Variants in MCM9 observed in about 807,000 individuals in gnomAD.
The protein encoded by MCM9 is minichromosome maintenance 9 homologous recombination repair factor.
MCM9 carries 55 observed loss-of-function variants against 72.8 expected under a neutral mutation model. The ratio of observed to expected loss-of-function variants is 0.76; its 90% confidence interval spans 0.61 to 0.95. The LOEUF (loss-of-function observed/expected upper bound fraction) is 0.95, where lower values mean the gene tolerates loss of function less well. Among genes scored for constraint, MCM9 ranks in the 40% least tolerant of loss-of-function variants. MCM9 has a pLI of 0.00. For missense variants in MCM9, 1,279 were observed against 1,377.0 expected (o/e 0.93, Z 1.13); for synonymous variants, 480 against 503.4 (o/e 0.95, Z 0.62).
At chr6:118,899,621 G>A (rs927570111) in intron 8 of MCM9, among the ~76,000 whole-genome samples, 2 of 152,170 alleles carry the variant, frequency 1.3e-5, no homozygotes, top group Admixed American at 6.5e-5. Flanking sequence ...TAGGTCCTCA[G>A]AAAATGATTG....
chr6:118,860,856 T>A (rs774526276), intron 8 of MCM9, among the ~76,000 whole-genome samples: 2 of 152,214 alleles, frequency 1.3e-5, no homozygotes, highest in Non-Finnish European at 2.9e-5. Context: ...TTGTGCACTT[T>A]ATTTCTATTA....
intron 9 of MCM9, among the ~76,000 whole-genome samples, chr6:118,844,141 T>C (rs1277870842): frequency 1.3e-5 from 2 of 151,888 alleles, no homozygotes; most frequent in Admixed American, 1.3e-4. Context: ...CTGCTATTAA[T>C]TAACTTCACG....
At chr6:118,907,622 C>T (rs1047376154) in intron 8 of MCM9, 14 of 1,604,946 alleles carry the variant, frequency 8.7e-6, no homozygotes, top group Non-Finnish European at 1.2e-5. Flanking sequence ...TGACCACCTA[C>T]CATCCCTTTA....
chr6:118,815,983 G>C lies in MCM9; in HGVS notation c.2273C>G (p.Thr758Ser), dbSNP rs1416311790. 6.4e-7 allele frequency: 1 copy of C among 1,550,528 alleles called. No homozygotes were observed. Among genetic ancestry groups the C allele is most frequent in the South Asian group, 1.2e-5 (1 of 84,068 alleles). ...MATHQSEPKN[T>S]VVVSPHPKTS... ...TTTGGGATGAGGAGACACAACAACAGTGTTTTTAGGTTCACTCTGATGAGT... is the reference window on the plus strand; with the variant it reads ...TTTGGGATGAGGAGACACAACAACACTGTTTTTAGGTTCACTCTGATGAGT... Residue 758 changes from threonine (T) to serine (S), a missense_variant, in exon 14 of 14, where the codon ACT becomes AGT. Thr to Ser is a moderately conservative substitution (Grantham distance 58, BLOSUM62 1). Transcript: ENST00000619706.
chr6:118,886,660 T>C lies in MCM9; in HGVS notation c.1150+24990A>G, dbSNP rs571928066. On this transcript the variant is annotated intron_variant, in intron 8 of 13. Coordinates refer to ENST00000619706, the MANE Select transcript of MCM9 (RefSeq NM_017696.3). ...AATCAAGAATGTACAAAGCTTATAC[T>C]ATGAAAACAACAGGCCAGGTGTAGT... Among the ~76,000 whole-genome samples, 14 of 152,340 alleles carry C rather than the reference T, an allele frequency of 9.2e-5. 1 individual carries two copies. In the South Asian group the frequency reaches 2.5e-3, roughly 27 times the overall value.
intron 9 of MCM9, among the ~76,000 whole-genome samples, chr6:118,838,616 T>C (rs1307804987): frequency 6.6e-6 from 1 of 152,134 alleles, no homozygotes; most frequent in African/African-American, 2.4e-5. Context: ...AGAAACAGGG[T>C]TTCACCATGT....
chr6:118,891,027 TTTTGA>T (rs1778909517), intron 8 of MCM9, among the ~76,000 whole-genome samples: 1 of 152,234 alleles, frequency 6.6e-6, no homozygotes, highest in African/African-American at 2.4e-5. Context: ...ATTTGGCACA[TTTTGA>T]TTTAATTCAA....
At chr6:118,890,372 A>T (rs147499578) in intron 8 of MCM9, among the ~76,000 whole-genome samples, 1,585 of 152,332 alleles carry the variant, frequency 0.01, 30 homozygotes, top group African/African-American at 0.036. Context: ...GTTATATGGG[A>T]TGATATCTTA....
chr6:118,833,139 T>G (rs143404589), intron 9 of MCM9, among the ~76,000 whole-genome samples: 51 of 152,222 alleles, frequency 3.4e-4, no homozygotes, highest in African/African-American at 1.2e-3. Flanking sequence ...CCGGAATCAT[T>G]GTCGGAGCAG....
chr6:118,883,753 T>C (rs1422786168), intron 8 of MCM9, among the ~76,000 whole-genome samples: 1 of 151,596 alleles, frequency 6.6e-6, no homozygotes, highest in Non-Finnish European at 1.5e-5. Flanking sequence ...TTTCAAAAAT[T>C]ATGGAAAAAT....
At chr6:118,828,827 T>C (rs183176342) in intron 10 of MCM9, among the ~76,000 whole-genome samples, 1 of 152,314 alleles carries the variant, frequency 6.6e-6, no homozygotes, top group East Asian at 1.9e-4. Context: ...ATAACAACTT[T>C]AGTCTCATTA....
At chr6:118,853,996 C>T (rs1318215273) in intron 9 of MCM9, among the ~76,000 whole-genome samples, 1 of 152,068 alleles carries the variant, frequency 6.6e-6, no homozygotes, top group African/African-American at 2.4e-5. Flanking sequence ...GAAATACTTC[C>T]TATTTGGAGA....
Position 118,829,191 on chromosome 6 carries a change from T to C in MCM9, c.1385A>G (p.Gln462Arg). ...TILAATNPKG[Q>R]YDPQESVSVN... The stretch of plus-strand genomic sequence containing the variant: ...AGACACGGACTCCTGGGGGTCGTAC[T>C]GGCCTTTGGGGTTCGTTGCTGCCAG... Residue 462 changes from glutamine (Q) to arginine (R), a missense_variant, in exon 10 of 14, where the codon CAG (glutamine) becomes CGG (arginine). Gln to Arg is a conservative substitution (Grantham distance 43). Coordinates refer to ENST00000619706, the MANE Select transcript of MCM9 (RefSeq NM_017696.3). 4 of 1,550,752 alleles carry C rather than the reference T, an allele frequency of 2.6e-6. No individual in the cohort carries two copies. Among genetic ancestry groups the C allele is most frequent in the Non-Finnish European group, 3.5e-6 (4 of 1,147,030 alleles).
At chr6:118,905,859 T>TAAATGAAAG in intron 8 of MCM9, 1 of 1,487,262 alleles carries the variant, frequency 6.7e-7, no homozygotes, top group Non-Finnish European at 9.1e-7. Context: ...TTTTAACTAC[T>TAAATGAAAG]TTTACTATGC....
chr6:118,843,674 GTATA>G (rs1168061881), intron 9 of MCM9, among the ~76,000 whole-genome samples: 1,652 of 12,910 alleles, frequency 0.13, 74 homozygotes, highest in Middle Eastern at 0.32. Context: ...ATATATGTAT[GTATA>G]TATATATGTG....
intron 9 of MCM9, among the ~76,000 whole-genome samples, chr6:118,849,460 A>G (rs1006546672): frequency 2.6e-5 from 4 of 151,568 alleles, no homozygotes; most frequent in Admixed American, 2.6e-4. Flanking sequence ...TGTGTATAAT[A>G]TATATACATT....
chr6:118,816,960 A>G (rs1409871451), intron 13 of MCM9, among the ~76,000 whole-genome samples: 1 of 152,226 alleles, frequency 6.6e-6, no homozygotes, highest in East Asian at 1.9e-4. Flanking sequence ...ATGTTTAAAC[A>G]TATTTACTGG....
intron 8 of MCM9, among the ~76,000 whole-genome samples, chr6:118,868,091 C>T (rs915307119): frequency 3.3e-5 from 5 of 151,714 alleles, no homozygotes; most frequent in African/African-American, 1.2e-4. Flanking sequence ...TGGCCAGGCT[C>T]GTCTTGAACT....
At chr6:118,868,003 A>G (rs561702819) in intron 8 of MCM9, among the ~76,000 whole-genome samples, 1 of 151,124 alleles carries the variant, frequency 6.6e-6, no homozygotes, top group East Asian at 2.0e-4. Context: ...CAGCCTCCAG[A>G]GTAGTTGGGA....
Sources: allele counts gnomAD v4.1 joint callset (sites outside exome capture counted in the v4.1 genomes callset), GRCh38; gene constraint gnomAD v4.1.1; transcripts MANE v1.5; gene names NCBI Gene and HGNC (gene_info 2026-07-23, HGNC 2026-07-21).